The following TLR6 variants were observed in gnomAD, a reference collection of about 807,000 sequenced individuals.
The protein encoded by TLR6 is toll like receptor 6.
In TLR6, 9 loss-of-function variants were observed where a neutral mutation model predicts 16.1. That is an observed-to-expected ratio of 0.56 (90% CI 0.34 to 0.98). TLR6 has a LOEUF of 0.98. Among genes scored for constraint, TLR6 ranks in the 50% least tolerant of loss-of-function variants. The pLI, the probability that TLR6 is intolerant of heterozygous loss-of-function variation, is 0.02. For missense variants in TLR6, 786 were observed against 921.0 expected (o/e 0.85, Z 1.90); for synonymous variants, 340 against 338.6 (o/e 1.00, Z -0.04).
chr4:38,843,287 A>G (rs1029401498), intron 1 of TLR6, among the ~76,000 whole-genome samples: 5 of 152,202 alleles, frequency 3.3e-5, no homozygotes, highest in Admixed American at 2.6e-4. Context: ...CTGCACAAGA[A>G]AGCATCTATG....
upstream of TLR6, among the ~76,000 whole-genome samples, chr4:38,858,540 C>A (rs547542509): frequency 6.6e-6 from 1 of 151,666 alleles, no homozygotes; most frequent in Non-Finnish European, 1.5e-5. Context: ...GCTAACATGG[C>A]GAAACCCTGT....
chr4:38,865,880 T>C, the TLR6 span, among the ~76,000 whole-genome samples: 1 of 152,248 alleles, frequency 6.6e-6, no homozygotes, highest in Non-Finnish European at 1.5e-5. Flanking sequence ...GGCTCACGCC[T>C]GTAATCCCAA....
upstream of TLR6, among the ~76,000 whole-genome samples, chr4:38,859,062 C>T (rs565299412): frequency 6.6e-6 from 1 of 152,180 alleles, no homozygotes; most frequent in South Asian, 2.1e-4. Context: ...AGTACTGTCA[C>T]GTCATCTCCA....
chr4:38,862,240 A>C, the TLR6 span, among the ~76,000 whole-genome samples: 1 of 151,992 alleles, frequency 6.6e-6, no homozygotes, highest in Non-Finnish European at 1.5e-5. Flanking sequence ...TCTTCTCTCT[A>C]CTGTATCAAC....
the TLR6 span, chr4:38,867,722 G>GGGCGGGGCCCCC: frequency 6.6e-6 from 1 of 150,938 alleles, no homozygotes; most frequent in Admixed American, 6.6e-5. Context: ...GGCGCAGGCG[G>GGGCGGGGCCCCC]GGCGGGGCCC....
chr4:38,859,018 T>G (rs548825072), upstream of TLR6, among the ~76,000 whole-genome samples: 19 of 152,226 alleles, frequency 1.2e-4, no homozygotes, highest in Admixed American at 2.6e-4. Flanking sequence ...GTGACTACTT[T>G]CCAAGTATTA....
chr4:38,860,885 A>G (rs971136927), upstream of TLR6, among the ~76,000 whole-genome samples: 19 of 152,276 alleles, frequency 1.2e-4, 1 homozygote, highest in Admixed American at 9.8e-4. Flanking sequence ...GCTCACATAC[A>G]TGTCCAGAGA....
the TLR6 span, among the ~76,000 whole-genome samples, chr4:38,864,524 A>G: frequency 5.2e-5 from 8 of 152,394 alleles, no homozygotes; most frequent in East Asian, 1.5e-3. Flanking sequence ...CGGGAAATAA[A>G]TTGTGGCATA....
rs537818546 is a variant in TLR6, at chr4:38,851,256, A to G, written c.-65+5505T>C. 5.6e-4 allele frequency among the ~76,000 whole-genome samples: 86 copies of G among 152,348 alleles called. 1 individual carries two copies. Among genetic ancestry groups the G allele is most frequent in the South Asian group, 1.7e-3 (8 of 4,824 alleles). On this transcript the variant is annotated intron_variant, in intron 1 of 1. Transcript: ENST00000436693. Reference sequence around the variant, plus strand: ...CAAAATAATAAGAGCTATTTATGACAAACCCACAGCCAATAGCATACTGAA... The same window carrying G: ...CAAAATAATAAGAGCTATTTATGACGAACCCACAGCCAATAGCATACTGAA...
chr4:38,845,069 C>A (rs1171916939), intron 1 of TLR6, among the ~76,000 whole-genome samples: 4 of 152,134 alleles, frequency 2.6e-5, no homozygotes, highest in African/African-American at 9.7e-5. Context: ...ACAAACATTA[C>A]AAATTATGAT....
intron 1 of TLR6, among the ~76,000 whole-genome samples, chr4:38,849,988 T>C (rs1712700024): frequency 1.3e-5 from 2 of 152,180 alleles, no homozygotes; most frequent in South Asian, 4.1e-4. Flanking sequence ...AGTAAAGCAC[T>C]CCACAGCAAA....
At chr4:38,835,329 C>T (rs1711855996) in intron 1 of TLR6, among the ~76,000 whole-genome samples, 1 of 151,928 alleles carries the variant, frequency 6.6e-6, no homozygotes, top group Non-Finnish European at 1.5e-5. Context: ...CTATACTTAT[C>T]AGATAAAACA....
chr4:38,852,540 A>G (rs1712810469), intron 1 of TLR6, among the ~76,000 whole-genome samples: 1 of 152,220 alleles, frequency 6.6e-6, no homozygotes, highest in Non-Finnish European at 1.5e-5. Context: ...ACAAGAAAAA[A>G]ATAAACAACC....
At chr4:38,841,435 A>G (rs1187715845) in intron 1 of TLR6, among the ~76,000 whole-genome samples, 1 of 152,190 alleles carries the variant, frequency 6.6e-6, no homozygotes, top group Non-Finnish European at 1.5e-5. Context: ...TACAAAAAAT[A>G]CAAAAATTAT....
exon 2 of TLR6, chr4:38,827,285 T>G (rs1190641387): frequency 6.2e-7 from 1 of 1,614,168 alleles, no homozygotes; most frequent in Admixed American, 1.7e-5. Flanking sequence ...GAGGATTAAG[T>G]TATTAGATCC....
chr4:38,867,866 C>T, the TLR6 span: 12 of 173,970 alleles, frequency 6.9e-5, no homozygotes, highest in Admixed American at 1.9e-4. Flanking sequence ...TCCCCATCCC[C>T]TTCCCCGGGG....
upstream of TLR6, among the ~76,000 whole-genome samples, chr4:38,861,022 G>T (rs1713182466): frequency 6.6e-6 from 1 of 152,132 alleles, no homozygotes. Flanking sequence ...CCTGAGCACA[G>T]CGCCCTCTAG....
upstream of TLR6, among the ~76,000 whole-genome samples, chr4:38,858,798 AGAGAGAGAGAGAGAGG>A (rs1713105949): frequency 7.3e-5 from 8 of 108,924 alleles, no homozygotes; most frequent in African/African-American, 2.0e-4. Flanking sequence ...AGAGGGAGAG[AGAGAGAGAGAGAGAGG>A]GAGAGAGAGA....
intron 1 of TLR6, among the ~76,000 whole-genome samples, chr4:38,851,747 C>T (rs1174693429): frequency 6.6e-6 from 1 of 150,412 alleles, no homozygotes; most frequent in Non-Finnish European, 1.5e-5. Flanking sequence ...AGGACACAAA[C>T]AAACATTCCA....
Sources: allele counts gnomAD v4.1 joint callset (sites outside exome capture counted in the v4.1 genomes callset), GRCh38; gene constraint gnomAD v4.1.1; transcripts MANE v1.5; gene names NCBI Gene and HGNC (gene_info 2026-07-23, HGNC 2026-07-21).